Variants in ABCC1 observed in about 807,000 individuals in gnomAD.
ABCC1 encodes the protein ATP binding cassette subfamily C member 1 (ABCC1 blood group), also known as multidrug resistance-associated protein 1.
A neutral mutation model predicts 172.9 loss-of-function variants in ABCC1; 83 were observed. The ratio of observed to expected loss-of-function variants is 0.48; its 90% CI spans 0.40 to 0.58. The LOEUF (loss-of-function observed/expected upper bound fraction) is 0.58, where lower values mean the gene tolerates loss of function less well. Ranked by LOEUF, ABCC1 falls within the 20% of genes least tolerant of loss-of-function variation. The probability of loss-of-function intolerance (pLI) is 0.00; values close to 1 mark genes in which losing one functional copy is unlikely to be tolerated. For missense variants in ABCC1, 1,817 were observed against 2,002.7 expected (o/e 0.91, Z 1.77); for synonymous variants, 937 against 825.2 (o/e 1.14, Z -2.32).
Position 16,138,344 on chromosome 16 carries a change from G to T in ABCC1, c.4293-20G>T, listed in dbSNP as rs561637278. ...TGGTTTGACCCAACACTATCTCCTGGTTTTTTTCTTCCGGTCAAGTGTCGG... is the reference window on the plus strand; with the variant it reads ...TGGTTTGACCCAACACTATCTCCTGTTTTTTTTCTTCCGGTCAAGTGTCGG... On this transcript the variant is annotated intron_variant, in intron 29 of 30. Transcript: ENST00000399410. 42 of 1,565,336 alleles carry T rather than the reference G, an allele frequency of 2.7e-5. No homozygotes were observed. The African/African-American group carries it at 4.9e-4, about 18-fold the overall frequency.
intron 7 of ABCC1, among the ~76,000 whole-genome samples, chr16:16,044,056 T>C (rs1300252834): frequency 6.6e-6 from 1 of 152,222 alleles, no homozygotes; most frequent in Non-Finnish European, 1.5e-5. Context: ...CAGCTGGGCT[T>C]TTGATGGGGA....
intron 1 of ABCC1, among the ~76,000 whole-genome samples, chr16:15,995,922 G>T (rs1261245576): frequency 6.6e-6 from 1 of 150,648 alleles, no homozygotes; most frequent in Non-Finnish European, 1.5e-5. Context: ...TGATCCTCCT[G>T]CCTCGGTCCC....
At chr16:15,958,570 G>T (rs2046056648) in intron 1 of ABCC1, among the ~76,000 whole-genome samples, 1 of 152,206 alleles carries the variant, frequency 6.6e-6, no homozygotes, top group Admixed American at 6.5e-5. Context: ...TTTTCATGGC[G>T]AAGTAAGGCC....
chr16:16,136,404 G>C, intron 28 of ABCC1, 74 bp from the exon 29 acceptor site: 2 of 1,539,914 alleles, frequency 1.3e-6, no homozygotes, highest in South Asian at 2.4e-5. Flanking sequence ...CTGGCCAGAA[G>C]TCCTTAGGTC....
chr16:16,142,666 T>G lies in ABCC1; in HGVS notation c.*1385T>G, dbSNP rs8056298. On this transcript the variant is annotated 3_prime_UTR_variant, in exon 31 of 31. Transcript: ENST00000399410. The stretch of plus-strand genomic sequence containing the variant: ...TCTCAAAACTTGAACTTCTTGGGAA[T>G]AGAAGTGTTGGGCTGAGAAGTAACA... The G allele has an allele frequency of 0.95, 144,927 of 152,130 alleles. 69,397 individuals are homozygous for G. The highest frequency in any genetic ancestry group is 1 in the East Asian group (5,174 of 5,174). The allele number at this position is 152,130 out of a possible 1,614,324, so 9.4% of individuals were successfully genotyped here.
chr16:16,121,384 G>C (rs1299359813), intron 23 of ABCC1, among the ~76,000 whole-genome samples: 1 of 152,196 alleles, frequency 6.6e-6, no homozygotes, highest in Non-Finnish European at 1.5e-5. Flanking sequence ...AGGAAACTGA[G>C]GCTTAGAGAA....
intron 5 of ABCC1, among the ~76,000 whole-genome samples, chr16:16,031,215 A>G (rs907240558): frequency 2.0e-5 from 3 of 152,152 alleles, no homozygotes; most frequent in Admixed American, 2.0e-4. Context: ...AGAGTATGCC[A>G]CCTTATCGGG....
At chr16:15,965,856 G>A (rs1054034873) in intron 1 of ABCC1, among the ~76,000 whole-genome samples, 3 of 152,058 alleles carry the variant, frequency 2.0e-5, no homozygotes, top group Non-Finnish European at 4.4e-5. Context: ...CAACGTGCTG[G>A]GATTACAGGC....
In ABCC1 at chr16:16,044,646, G is replaced by A; in HGVS notation, c.1006G>A (p.Asp336Asn). The A allele has an allele frequency of 1.9e-6, 3 of 1,614,056 alleles. No homozygotes were observed. Among genetic ancestry groups the A allele is most frequent in the South Asian group, 1.1e-5 (1 of 91,076 alleles). ...LMSFFFKAIHDLMMFSGPQIL... is the reference protein window; with the variant it reads ...LMSFFFKAIHNLMMFSGPQIL... ...GAGCTTCTTCTTCAAGGCCATCCAC[G>A]ACCTGATGATGTTTTCCGGGCCGCA... The change falls in exon 8 of 31, where the codon GAC becomes AAC. Residue 336 changes from aspartate (D) to asparagine (N), a missense_variant. Transcript: ENST00000399410.
chr16:16,067,393 G>A (rs1010923369), intron 12 of ABCC1, among the ~76,000 whole-genome samples: 1 of 152,174 alleles, frequency 6.6e-6, no homozygotes, highest in Admixed American at 6.5e-5. Flanking sequence ...CACGTTAATA[G>A]ATTCCTTGGA....
intron 19 of ABCC1, among the ~76,000 whole-genome samples, chr16:16,101,286 G>A (rs536879263): frequency 1.3e-5 from 2 of 152,168 alleles, no homozygotes; most frequent in African/African-American, 4.8e-5. Context: ...TGCCCGCCTC[G>A]GCCTTGAAAG....
At chr16:15,975,799 G>T (rs1269924419) in intron 1 of ABCC1, among the ~76,000 whole-genome samples, 1 of 151,800 alleles carries the variant, frequency 6.6e-6, no homozygotes, top group Non-Finnish European at 1.5e-5. Context: ...CAGGTGATCT[G>T]CCCGCCTCAG....
intron 21 of ABCC1, among the ~76,000 whole-genome samples, chr16:16,108,268 T>A (rs1269693235): frequency 1.6e-5 from 2 of 128,834 alleles, no homozygotes; most frequent in Non-Finnish European, 3.2e-5. Flanking sequence ...ATCGTTTCTT[T>A]GTGTCTTTTT....
chr16:16,091,143 G>A (rs1291955418), intron 19 of ABCC1, among the ~76,000 whole-genome samples: 1 of 152,040 alleles, frequency 6.6e-6, no homozygotes, highest in African/African-American at 2.4e-5. Context: ...CAGTTCAGCA[G>A]GGCCAGACGT....
intron 1 of ABCC1, among the ~76,000 whole-genome samples, chr16:15,995,669 CTTAT>C (rs1178406134): frequency 1.3e-5 from 2 of 152,060 alleles, no homozygotes; most frequent in Non-Finnish European, 2.9e-5. Flanking sequence ...TTGCAAGTTA[CTTAT>C]TTATTTATTT....
At chr16:16,111,740 T>C (rs1317442766) in intron 22 of ABCC1, among the ~76,000 whole-genome samples, 158 bp downstream of exon 22, 1 of 151,998 alleles carries the variant, frequency 6.6e-6, no homozygotes, top group African/African-American at 2.4e-5. Flanking sequence ...CACTCAGATA[T>C]TTGTAGAGTG....
chr16:16,059,620 C>T (rs966048988), intron 12 of ABCC1, among the ~76,000 whole-genome samples: 5 of 152,180 alleles, frequency 3.3e-5, no homozygotes, highest in Non-Finnish European at 5.9e-5. Flanking sequence ...GCCTAGCCAA[C>T]GTGGTGAAAC....
intron 27 of ABCC1, 44 bp downstream of exon 27, chr16:16,131,979 C>A (rs778197440): frequency 7.5e-6 from 12 of 1,592,854 alleles, no homozygotes; most frequent in Non-Finnish European, 9.4e-6. Context: ...CCCAGTCGGG[C>A]ACAGGGTGCC....
At chr16:16,090,788 G>A (rs1402248651) in intron 19 of ABCC1, among the ~76,000 whole-genome samples, 200 bp downstream of exon 19, 1 of 152,134 alleles carries the variant, frequency 6.6e-6, no homozygotes, top group East Asian at 1.9e-4. Context: ...AGAGAGTCTC[G>A]GTGCTTTATG....
Sources: gnomAD v4.1 joint callset for allele counts (sites outside exome capture counted in the v4.1 genomes callset) on GRCh38, gnomAD v4.1.1 for gene constraint, MANE v1.5 for transcripts, NCBI Gene and HGNC (gene_info 2026-07-23, HGNC 2026-07-21) for gene names.